Variants in RBFOX1 observed in about 807,000 individuals in gnomAD.
The protein encoded by RBFOX1 is RNA binding fox-1 homolog 1, also known as RNA binding protein fox-1 homolog 1.
Under a neutral mutation model 57.7 loss-of-function variants are expected in RBFOX1, and 8 were observed. The observed-to-expected ratio is 0.14, with a 90% confidence interval of 0.08 to 0.25. The LOEUF is 0.25. RBFOX1 is among the 10% of genes least tolerant of loss of function. The pLI, the probability that RBFOX1 is intolerant of heterozygous loss-of-function variation, is 1.00. For missense variants in RBFOX1, 611 were observed against 548.5 expected (o/e 1.11, Z -1.14); for synonymous variants, 326 against 222.4 (o/e 1.47, Z -4.15).
chr16:6,923,688 G>A (rs1453028841), intron 3 of RBFOX1, among the ~76,000 whole-genome samples: 2 of 152,118 alleles, frequency 1.3e-5, no homozygotes, highest in Non-Finnish European at 2.9e-5. Flanking sequence ...TTTACCCCTT[G>A]ACTGCCATTT....
chr16:6,517,460 C>G (rs2096402816), intron 2 of RBFOX1, among the ~76,000 whole-genome samples: 1 of 152,102 alleles, frequency 6.6e-6, no homozygotes, highest in Non-Finnish European at 1.5e-5. Flanking sequence ...ACAGAGAATT[C>G]CCATTTCTGA....
intron 4 of RBFOX1, among the ~76,000 whole-genome samples, chr16:7,113,994 G>C (rs2065336190): frequency 6.6e-6 from 1 of 152,106 alleles, no homozygotes; most frequent in Non-Finnish European, 1.5e-5. Flanking sequence ...AGTGCTTAGT[G>C]AATTTATAAT....
intron 2 of RBFOX1, among the ~76,000 whole-genome samples, chr16:5,560,763 C>T (rs370640246): frequency 2.5e-4 from 38 of 152,302 alleles, no homozygotes; most frequent in East Asian, 9.7e-4. Flanking sequence ...GGACAAGATA[C>T]CTATGAGCTC....
chr16:5,338,091 G>A (rs1355983023), intron 1 of RBFOX1, among the ~76,000 whole-genome samples: 2 of 152,138 alleles, frequency 1.3e-5, no homozygotes, highest in Non-Finnish European at 2.9e-5. Flanking sequence ...GGGATAGAGG[G>A]TGATCCCAGG....
At chr16:6,095,289 C>G (rs1326444724) in intron 1 of RBFOX1, among the ~76,000 whole-genome samples, 2 of 152,200 alleles carry the variant, frequency 1.3e-5, no homozygotes, top group African/African-American at 4.8e-5. Flanking sequence ...AGTCAAGATG[C>G]TAAATCCTTC....
intron 4 of RBFOX1, among the ~76,000 whole-genome samples, chr16:5,988,509 A>T (rs1252740052): frequency 1.3e-5 from 2 of 152,156 alleles, no homozygotes; most frequent in African/African-American, 4.8e-5. Flanking sequence ...CTAAGTTCCC[A>T]GAGGAAGGAG....
At chr16:7,156,428 T>C (rs986357533) in intron 4 of RBFOX1, among the ~76,000 whole-genome samples, 13 of 152,074 alleles carry the variant, frequency 8.5e-5, no homozygotes, top group African/African-American at 2.7e-4. Context: ...TAGTTGTACA[T>C]ACACATGTAG....
At chr16:7,076,079 A>G (rs184629696) in intron 4 of RBFOX1, among the ~76,000 whole-genome samples, 3 of 131,532 alleles carry the variant, frequency 2.3e-5, no homozygotes, top group Non-Finnish European at 4.8e-5. Flanking sequence ...GTCTTGTTCT[A>G]TTGCCAGGCT....
At chr16:7,588,666 A>G (rs1226525290) in intron 7 of RBFOX1, among the ~76,000 whole-genome samples, 16 of 152,206 alleles carry the variant, frequency 1.1e-4, no homozygotes, top group Admixed American at 1.0e-3. Context: ...AGTCGGTATC[A>G]CGGAGGGTCA....
intron 3 of RBFOX1, among the ~76,000 whole-genome samples, chr16:6,667,139 A>G (rs2098738028): frequency 6.6e-6 from 1 of 152,180 alleles, no homozygotes; most frequent in Non-Finnish European, 1.5e-5. Context: ...GCAGGTAAAA[A>G]GACGCAGAGC....
intron 4 of RBFOX1, among the ~76,000 whole-genome samples, chr16:7,342,439 A>G (rs2096916501): frequency 6.6e-6 from 1 of 152,216 alleles, no homozygotes; most frequent in African/African-American, 2.4e-5. Flanking sequence ...CATCGACTGC[A>G]GAAGGGAGCA....
At chr16:6,573,702 C>T (rs1258109549) in intron 2 of RBFOX1, 1 of 152,230 alleles carries the variant, frequency 6.6e-6, no homozygotes, top group Non-Finnish European at 1.5e-5. Context: ...GGTGACGCGC[C>T]TCCCGAAAGA....
chr16:5,601,173 T>G (rs1481289529), downstream of RBFOX1: 4 of 152,274 alleles, frequency 2.6e-5, no homozygotes, highest in Non-Finnish European at 5.9e-5. Context: ...TCTCACAGTT[T>G]CTGTGGGTCA....
chr16:6,226,149 C>T (rs2097415699), intron 1 of RBFOX1, among the ~76,000 whole-genome samples: 1 of 141,822 alleles, frequency 7.1e-6, no homozygotes, highest in South Asian at 2.2e-4. Context: ...CACCTGAGGT[C>T]AGGAATTCGA....
At chr16:6,967,346 T>C (rs1013008571) in intron 3 of RBFOX1, among the ~76,000 whole-genome samples, 5 of 152,124 alleles carry the variant, frequency 3.3e-5, no homozygotes, top group Non-Finnish European at 7.3e-5. Context: ...AGCAGTGGGG[T>C]TGGCTCTCAT....
chr16:6,159,068 AATTTTTTATTTTT>A (rs953010257), intron 1 of RBFOX1, among the ~76,000 whole-genome samples: 7 of 151,806 alleles, frequency 4.6e-5, no homozygotes, highest in Non-Finnish European at 8.8e-5. Flanking sequence ...ATGCCCAGCT[AATTTTTTATTTTT>A]ATTTTTTATT....
chr16:7,325,537 C>T (rs1001028549), intron 4 of RBFOX1, among the ~76,000 whole-genome samples: 4 of 152,176 alleles, frequency 2.6e-5, no homozygotes, highest in South Asian at 2.1e-4. Flanking sequence ...TGGAACGGCT[C>T]ATTTGCATAC....
intron 3 of RBFOX1, among the ~76,000 whole-genome samples, chr16:5,824,162 A>G (rs1435075981): frequency 1.3e-5 from 2 of 152,222 alleles, no homozygotes; most frequent in African/African-American, 4.8e-5. Flanking sequence ...CTAAGAAGCC[A>G]AGGATCAGAA....
rs117955081 is a variant in RBFOX1, at chr16:6,522,656, C to G, written c.-63-131947C>G. On this transcript the variant is annotated intron_variant, in intron 2 of 15. Coordinates refer to ENST00000550418, the MANE Select transcript of RBFOX1 (RefSeq NM_018723.4). The stretch of plus-strand genomic sequence containing the variant: ...TTGGCATTCAGTACCGGGGTTAATA[C>G]TAATAACCAGGTTAATCTTTAGGTA... Among the ~76,000 whole-genome samples, 1,488 of 152,212 alleles carry G rather than the reference C, an allele frequency of 9.8e-3. 17 individuals are homozygous for G. Among genetic ancestry groups the G allele is most frequent in the Middle Eastern group, 0.051 (15 of 294 alleles).
Sources: gnomAD v4.1 joint callset for allele counts (sites outside exome capture counted in the v4.1 genomes callset) on GRCh38, gnomAD v4.1.1 for gene constraint, MANE v1.5 for transcripts, NCBI Gene and HGNC (gene_info 2026-07-23, HGNC 2026-07-21) for gene names.